The following TRPM3 variants were observed in gnomAD, a reference collection of about 807,000 sequenced individuals.
The protein encoded by TRPM3 is transient receptor potential cation channel subfamily M member 3, also known as long transient receptor potential channel 3.
Under a neutral mutation model 181.2 loss-of-function variants are expected in TRPM3, and 77 were observed. The ratio of observed to expected loss-of-function variants is 0.42; its 90% CI spans 0.35 to 0.51. TRPM3 has a LOEUF of 0.51. Among genes scored for constraint, TRPM3 ranks in the 20% least tolerant of loss-of-function variants. The probability of loss-of-function intolerance (pLI) is 0.01; values close to 1 mark genes in which losing one functional copy is unlikely to be tolerated. For missense variants in TRPM3, 1,759 were observed against 2,196.7 expected (o/e 0.80, Z 3.98); for synonymous variants, 745 against 796.4 (o/e 0.94, Z 1.09).
chr9:70,813,844 TC>T (rs1396499739), intron 6 of TRPM3, among the ~76,000 whole-genome samples: 1 of 152,190 alleles, frequency 6.6e-6, no homozygotes, highest in Non-Finnish European at 1.5e-5. Flanking sequence ...AATAAAGGTA[TC>T]CCCTTAAGGG....
intron 1 of TRPM3, among the ~76,000 whole-genome samples, chr9:71,396,223 T>C (rs2093187936): frequency 6.6e-6 from 1 of 151,068 alleles, no homozygotes; most frequent in Non-Finnish European, 1.5e-5. Context: ...TTCAGAATGG[T>C]AAACTGCTTT....
rs1292806987 is a variant in TRPM3 at position 70,529,499 on chromosome 9, G to T, written c.*6454C>A. 1 of 152,206 alleles carries T rather than the reference G, an allele frequency of 6.6e-6. No homozygotes were observed. The highest frequency in any genetic ancestry group is 1.5e-5 in the Non-Finnish European group (1 of 68,042). 9.4% of individuals were successfully genotyped at this position (152,206 alleles called of 1,614,324 possible). On this transcript the variant is annotated 3_prime_UTR_variant, in exon 26 of 26. Transcript: ENST00000677713. ...GTACTGTTTTTACACAGCGGTAGCA[G>T]CAATATAAACTCAGGTCAGACGCAG...
intron 8 of TRPM3, among the ~76,000 whole-genome samples, chr9:70,741,107 C>A (rs187517012): frequency 6.6e-6 from 1 of 152,086 alleles, no homozygotes; most frequent in East Asian, 1.9e-4. Context: ...TCAAACAAAT[C>A]AGCAAGGAAA....
At chr9:70,859,990 G>C (rs1165356118) in intron 3 of TRPM3, among the ~76,000 whole-genome samples, 2 of 152,162 alleles carry the variant, frequency 1.3e-5, no homozygotes, top group Non-Finnish European at 2.9e-5. Flanking sequence ...CACTGGAACA[G>C]AGTTGATTGT....
intron 1 of TRPM3, among the ~76,000 whole-genome samples, chr9:71,081,892 T>C (rs1385582378): frequency 2.0e-5 from 3 of 152,206 alleles, no homozygotes; most frequent in Non-Finnish European, 4.4e-5. Flanking sequence ...CTTGGATTCA[T>C]TGGACTTACA....
intron 7 of TRPM3, among the ~76,000 whole-genome samples, chr9:70,769,424 A>G (rs2079780929): frequency 6.6e-6 from 1 of 151,930 alleles, no homozygotes; most frequent in African/African-American, 2.4e-5. Context: ...TTTATTTTAG[A>G]ATCAGGGGGT....
At chr9:70,627,205 G>A (rs529821334) in intron 12 of TRPM3, among the ~76,000 whole-genome samples, 1 of 149,704 alleles carries the variant, frequency 6.7e-6, no homozygotes, top group Admixed American at 6.6e-5. Flanking sequence ...CCTCAATGGA[G>A]TGAGAACAAA....
chr9:70,870,932 T>C (rs1055836457), intron 1 of TRPM3, among the ~76,000 whole-genome samples: 2 of 152,018 alleles, frequency 1.3e-5, no homozygotes, highest in Admixed American at 6.6e-5. Context: ...CTATATTTTA[T>C]ATAGTCAGAA....
chr9:71,302,234 T>C (rs1377601993), intron 1 of TRPM3, among the ~76,000 whole-genome samples: 1 of 152,180 alleles, frequency 6.6e-6, no homozygotes, highest in Non-Finnish European at 1.5e-5. Flanking sequence ...TTATTGCAAA[T>C]ACTCTTCAAC....
At chr9:70,763,424 C>G (rs1252383077) in intron 7 of TRPM3, among the ~76,000 whole-genome samples, 2 of 152,002 alleles carry the variant, frequency 1.3e-5, no homozygotes. Flanking sequence ...GGTGGGAGGA[C>G]CACTTCAGCC....
rs761623020 is a variant in TRPM3 at position 70,533,590 on chromosome 9, A to G, written c.*2363T>C. ...TATATTGCAACTTTGCATTATGTAC[A>G]TTTTTTTTTTCTTTCTGGAGAGAGA... On this transcript the variant is annotated 3_prime_UTR_variant, in exon 26 of 26. Coordinates refer to ENST00000677713, the MANE Select transcript of TRPM3 (RefSeq NM_001366145.2). The G allele has an allele frequency of 8.0e-5, 12 of 150,156 alleles. No homozygotes were observed. Among genetic ancestry groups the G allele is most frequent in the Middle Eastern group, 3.4e-3 (1 of 290 alleles). 9.3% of individuals were successfully genotyped at this position (150,156 alleles called of 1,614,324 possible). A position where few individuals can be genotyped will look rare whatever the true frequency, so the allele number is the denominator to read the frequency against.
chr9:70,617,461 C>A (rs994701041), intron 17 of TRPM3, among the ~76,000 whole-genome samples: 2 of 152,074 alleles, frequency 1.3e-5, no homozygotes, highest in African/African-American at 4.8e-5. Context: ...TCAAAGGGAA[C>A]AAAGTTGCAG....
At chr9:71,330,678 T>C (rs1034362144) in intron 1 of TRPM3, among the ~76,000 whole-genome samples, 1 of 151,894 alleles carries the variant, frequency 6.6e-6, no homozygotes, top group Non-Finnish European at 1.5e-5. Context: ...ATATACCCAG[T>C]GTGAATTAGT....
At chr9:71,198,030 T>C (rs1412275957) in intron 1 of TRPM3, among the ~76,000 whole-genome samples, 1 of 150,876 alleles carries the variant, frequency 6.6e-6, no homozygotes, top group Non-Finnish European at 1.5e-5. Flanking sequence ...CTTTAATCCA[T>C]CTTGAATTAA....
At chr9:71,287,174 CATA>C (rs1278443045) in intron 1 of TRPM3, among the ~76,000 whole-genome samples, 3 of 146,754 alleles carry the variant, frequency 2.0e-5, no homozygotes, top group Non-Finnish European at 4.5e-5. Flanking sequence ...TATAAAATAA[CATA>C]ATAAGATAGT....
chr9:71,176,395 A>C (rs762927351), intron 1 of TRPM3, among the ~76,000 whole-genome samples: 1 of 152,156 alleles, frequency 6.6e-6, no homozygotes, highest in Non-Finnish European at 1.5e-5. Context: ...GTAAAATAAC[A>C]TACTTTTTAA....
chr9:71,226,009 TAAAA>T, intron 1 of TRPM3, among the ~76,000 whole-genome samples: 43 of 34,706 alleles, frequency 1.2e-3, no homozygotes, highest in African/African-American at 4.3e-3. Flanking sequence ...CAACAAAAGG[TAAAA>T]AAAAAAAAAA....
intron 21 of TRPM3, among the ~76,000 whole-genome samples, chr9:70,593,067 C>T (rs1000705960): frequency 6.6e-6 from 1 of 152,148 alleles, no homozygotes; most frequent in African/African-American, 2.4e-5. Context: ...TATTGGAATT[C>T]AAACATTATA....
intron 6 of TRPM3, among the ~76,000 whole-genome samples, chr9:70,790,573 C>T (rs1183196416): frequency 6.6e-6 from 1 of 152,106 alleles, no homozygotes; most frequent in African/African-American, 2.4e-5. Context: ...GCTATTTTGC[C>T]TCATTTTAAT....
Sources: allele counts gnomAD v4.1 joint callset (sites outside exome capture counted in the v4.1 genomes callset), GRCh38; gene constraint gnomAD v4.1.1; transcripts MANE v1.5; gene names NCBI Gene and HGNC (gene_info 2026-07-23, HGNC 2026-07-21).